Variants in EFCAB3 observed in about 807,000 individuals in gnomAD.
The protein encoded by EFCAB3 is EF-hand calcium-binding domain-containing protein 3.
EFCAB3 carries 36 observed loss-of-function variants against 42.2 expected under a neutral mutation model. The ratio of observed to expected loss-of-function variants is 0.85; its 90% confidence interval spans 0.65 to 1.13. EFCAB3 has a LOEUF of 1.13. Ranked by LOEUF, EFCAB3 falls within the 50% of genes most tolerant of loss-of-function variation. EFCAB3 has a pLI of 0.00. For synonymous variants in EFCAB3, 170 were observed against 172.8 expected (o/e 0.98, Z 0.13); for missense variants, 418 against 505.1 (o/e 0.83, Z 1.65).
chr17:62,373,878 A>C, intron 2 of EFCAB3: 1 of 1,333,994 alleles, frequency 7.5e-7, no homozygotes, highest in Non-Finnish European at 1.0e-6. Flanking sequence ...GTAAGTGAAA[A>C]TTTATTATAC....
intron 6 of EFCAB3, among the ~76,000 whole-genome samples, chr17:62,401,969 C>T (rs936723363): frequency 2.0e-5 from 3 of 152,086 alleles, no homozygotes; most frequent in Non-Finnish European, 2.9e-5. Flanking sequence ...TTTCGTTGAG[C>T]AGTGGTTTGT....
chr17:62,395,108 A>C lies in EFCAB3; in HGVS notation c.408A>C (p.Pro136=). 6.2e-7 allele frequency: 1 copy of C among 1,614,170 alleles called. No individual in the cohort carries two copies. Among genetic ancestry groups the C allele is most frequent in the Non-Finnish European group, 8.5e-7 (1 of 1,180,030 alleles). ...KETCLDLAGN[P]GILLFEILSR... is the part of the protein sequence containing the mutation. ...CCTGTTTAGATTTGGCTGGCAACCC[A>C]GGAATCCTATTGTTTGAAATCCTAT... Residue 136 remains proline (P), a synonymous_variant, in exon 6 of 10, where the codon CCA becomes CCC. Coordinates refer to ENST00000305286, the MANE Select transcript of EFCAB3 (RefSeq NM_173503.4).
chr17:62,405,044 G>A (rs2070436601), intron 6 of EFCAB3, among the ~76,000 whole-genome samples: 1 of 152,224 alleles, frequency 6.6e-6, no homozygotes, highest in African/African-American at 2.4e-5. Context: ...TTCTAAGTTA[G>A]TAGGTGTGTA....
chr17:62,385,934 A>T (rs62074003), intron 2 of EFCAB3, among the ~76,000 whole-genome samples: 1 of 149,010 alleles, frequency 6.7e-6, no homozygotes, highest in Admixed American at 6.7e-5. Context: ...TCACCATGTT[A>T]GCCAGGATGG....
At chr17:62,398,316 C>T (rs543338526) in intron 6 of EFCAB3, among the ~76,000 whole-genome samples, 21 of 151,850 alleles carry the variant, frequency 1.4e-4, no homozygotes, top group Admixed American at 6.6e-4. Flanking sequence ...TAACTGGGTG[C>T]GGTGCTGCGC....
intron 8 of EFCAB3, among the ~76,000 whole-genome samples, chr17:62,413,090 T>A (rs2070513675): frequency 1.3e-5 from 2 of 152,146 alleles, no homozygotes; most frequent in South Asian, 4.1e-4. Flanking sequence ...CCTCCCTAAC[T>A]GTGATACAAA....
At chr17:62,373,132 T>A (rs1255409965) in intron 1 of EFCAB3, among the ~76,000 whole-genome samples, 1 of 151,536 alleles carries the variant, frequency 6.6e-6, no homozygotes, top group Non-Finnish European at 1.5e-5. Context: ...ATAAAAAAAA[T>A]TAGCTGGCAT....
intron 2 of EFCAB3, among the ~76,000 whole-genome samples, chr17:62,374,276 C>T (rs1208330668): frequency 6.6e-6 from 1 of 152,148 alleles, no homozygotes; most frequent in Non-Finnish European, 1.5e-5. Context: ...GCCTGACCAA[C>T]ATGGTGAAAC....
intron 6 of EFCAB3, among the ~76,000 whole-genome samples, chr17:62,398,870 A>AT: frequency 6.6e-6 from 1 of 152,300 alleles, no homozygotes; most frequent in Non-Finnish European, 1.5e-5. Context: ...GCAGGTCTTG[A>AT]TTTGGTTAAT....
intron 2 of EFCAB3, among the ~76,000 whole-genome samples, chr17:62,374,306 C>T (rs1319117468): frequency 1.3e-5 from 2 of 151,994 alleles, no homozygotes; most frequent in African/African-American, 4.8e-5. Flanking sequence ...ACTAAAAATA[C>T]AAAAATTAAC....
Position 62,393,594 on chromosome 17 carries a change from C to T in EFCAB3, c.317C>T (p.Ser106Leu). 6.2e-7 allele frequency: 1 copy of T among 1,614,094 alleles called. No homozygotes were observed. Among genetic ancestry groups the T allele is most frequent in the Non-Finnish European group, 8.5e-7 (1 of 1,179,988 alleles). ...GCAGGAGATGGGAAGGTGAACTTCT[C>T]AGACTTTATCAAGGTTCTAACAGAT... ...DIDRDGKVNF[S>L]DFIKVLTDKN... Residue 106 changes from serine to leucine, a missense_variant, in exon 5 of 10, where the codon TCA (serine) becomes TTA (leucine). By Grantham distance (145) the Ser-to-Leu change is moderately radical. Coordinates refer to ENST00000305286, the MANE Select transcript of EFCAB3 (RefSeq NM_173503.4).
chr17:62,406,761 TAAG>T, intron 7 of EFCAB3, 88 bp downstream of exon 7: 2 of 1,419,874 alleles, frequency 1.4e-6, no homozygotes, highest in Non-Finnish European at 1.9e-6. Flanking sequence ...CCAAATGGCA[TAAG>T]AACAGGACTG....
upstream of EFCAB3, among the ~76,000 whole-genome samples, chr17:62,379,415 A>G (rs1400484977): frequency 2.9e-5 from 1 of 34,514 alleles, no homozygotes; most frequent in African/African-American, 5.4e-5. Flanking sequence ...GTGAGACCTC[A>G]CCAAAAAAAA....
chr17:62,401,770 G>A, intron 6 of EFCAB3, among the ~76,000 whole-genome samples: 1 of 152,124 alleles, frequency 6.6e-6, no homozygotes, highest in Non-Finnish European at 1.5e-5. Context: ...ATGGCAATGT[G>A]GGCTCTTTTT....
At chr17:62,405,837 G>A (rs2144105098) in intron 6 of EFCAB3, among the ~76,000 whole-genome samples, 1 of 152,244 alleles carries the variant, frequency 6.6e-6, no homozygotes, top group Admixed American at 6.5e-5. Context: ...TGATAGGAAA[G>A]AAATGCAATC....
At chr17:62,412,475 T>G (rs1172101415) in intron 8 of EFCAB3, among the ~76,000 whole-genome samples, 2 of 152,124 alleles carry the variant, frequency 1.3e-5, no homozygotes, top group African/African-American at 2.4e-5. Flanking sequence ...TTTTTGTTGT[T>G]GTTGTTGAGA....
chr17:62,370,656 C>CAA (rs557238237), intron 1 of EFCAB3, among the ~76,000 whole-genome samples: 1 of 138,088 alleles, frequency 7.2e-6, no homozygotes, highest in African/African-American at 2.7e-5. Context: ...AACTCTGTCT[C>CAA]AAAAAAAAAA....
Position 62,416,460 on chromosome 17 carries a change from A to G in EFCAB3, c.*131A>G, listed in dbSNP as rs986173497. On this transcript the variant is annotated 3_prime_UTR_variant, in exon 10 of 10. Coordinates refer to ENST00000305286, the MANE Select transcript of EFCAB3 (RefSeq NM_173503.4). ...TGACATCTTTTGGATTCTGACCAGT[A>G]AAAAAGTTTAAGTCATAAAATGGTT... 2.4e-5 allele frequency: 18 copies of G among 755,744 alleles called. No homozygotes were observed. In the Admixed American group the frequency reaches 2.9e-4, roughly 12 times the overall value. The allele number at this position is 755,744 out of a possible 1,614,324, so 46.8% of individuals were successfully genotyped here. A position where few individuals can be genotyped will look rare whatever the true frequency, so the allele number is the denominator to read the frequency against.
chr17:62,402,228 T>C (rs1224714362), intron 6 of EFCAB3, among the ~76,000 whole-genome samples: 1 of 152,338 alleles, frequency 6.6e-6, no homozygotes, highest in South Asian at 2.1e-4. Context: ...AATCATATCA[T>C]CTGCAAACAG....
Sources: gnomAD v4.1 joint callset for allele counts (sites outside exome capture counted in the v4.1 genomes callset) on GRCh38, gnomAD v4.1.1 for gene constraint, MANE v1.5 for transcripts, NCBI Gene and HGNC (gene_info 2026-07-23, HGNC 2026-07-21) for gene names.